The following HYDIN variants were observed in gnomAD, a reference collection of about 807,000 sequenced individuals.
HYDIN encodes the protein axonemal central pair apparatus protein HYDIN.
In HYDIN, 132 loss-of-function variants were observed where a neutral mutation model predicts 403.9. The observed-to-expected ratio is 0.33, with a 90% CI of 0.28 to 0.38. The LOEUF is 0.38. Among genes scored for constraint, HYDIN ranks in the 10% least tolerant of loss-of-function variants. HYDIN has a pLI of 1.00. For missense variants in HYDIN, 2,827 were observed against 5,009.5 expected (o/e 0.56, Z 13.15); for synonymous variants, 1,202 against 1,891.7 (o/e 0.64, Z 9.46).
At chr16:71,151,388 C>A (rs1399496398) in intron 7 of HYDIN, among the ~76,000 whole-genome samples, 1 of 151,902 alleles carries the variant, frequency 6.6e-6, no homozygotes, top group Non-Finnish European at 1.5e-5. Context: ...ACAAAGCCAG[C>A]AACTCTGAAC....
At chr16:70,953,350 G>A (rs2078130979) in intron 40 of HYDIN, among the ~76,000 whole-genome samples, 1 of 152,212 alleles carries the variant, frequency 6.6e-6, no homozygotes, top group Non-Finnish European at 1.5e-5. Context: ...TGGGGTCGGG[G>A]CAGACAATAA....
intron 17 of HYDIN, 24 bp downstream of exon 17, chr16:71,062,145 G>A (rs1281548465): frequency 2.0e-6 from 2 of 990,878 alleles, no homozygotes. Flanking sequence ...AATTTCAATT[G>A]CAGTTCTGAA....
intron 21 of HYDIN, among the ~76,000 whole-genome samples, chr16:71,020,582 G>A (rs2080447649): frequency 6.6e-6 from 1 of 152,170 alleles, no homozygotes. Context: ...GCCAAGGCCA[G>A]TGGATTACTT....
intron 81 of HYDIN, among the ~76,000 whole-genome samples, 172 bp from the exon 82 acceptor site, chr16:70,828,601 G>A (rs1488047051): frequency 2.0e-5 from 3 of 150,692 alleles, no homozygotes; most frequent in Admixed American, 1.3e-4. Context: ...ATGTTCATAT[G>A]TATCCGAGCC....
chr16:71,204,834 A>G (rs1236169146), intron 1 of HYDIN, among the ~76,000 whole-genome samples: 2 of 152,230 alleles, frequency 1.3e-5, no homozygotes, highest in South Asian at 4.1e-4. Context: ...AAGGAAAACA[A>G]TAAGATATTC....
At chr16:71,182,725 T>C (rs1378517785) in intron 3 of HYDIN, among the ~76,000 whole-genome samples, 4 of 152,094 alleles carry the variant, frequency 2.6e-5, no homozygotes, top group South Asian at 2.1e-4. Context: ...TGGCAGGAGA[T>C]ATAAATATAA....
chr16:71,222,923 G>A lies in HYDIN; in HGVS notation c.-24+7639C>T, dbSNP rs75233643. Reference sequence around the variant, plus strand: ...TGAAAATGACCATACTACCCAAAGCGATTCCCATCAAAATACCAACATCAT... The same window carrying A: ...TGAAAATGACCATACTACCCAAAGCAATTCCCATCAAAATACCAACATCAT... On this transcript the variant is annotated intron_variant, in intron 1 of 85. Transcript: ENST00000393567. Among the ~76,000 whole-genome samples the A allele has an allele frequency of 2.6e-3, 387 of 151,468 alleles. 3 individuals carry two copies. Among genetic ancestry groups the A allele is most frequent in the African/African-American group, 9.0e-3 (371 of 41,424 alleles).
In HYDIN at chr16:71,179,035, C is replaced by A. The variant is rs2086797344; in HGVS notation, c.274G>T (p.Asp92Tyr). ...ETTHQKFSGI[D>Y]LDQALFQPFP... ...GGCTGGAATAATGCCTGATCCAGGTCAATTCCTGAAAACTTCAGTTGAAAG... is the reference window on the plus strand; with the variant it reads ...GGCTGGAATAATGCCTGATCCAGGTAAATTCCTGAAAACTTCAGTTGAAAG... Residue 92 changes from aspartate (D) to tyrosine (Y), a missense_variant, in exon 4 of 86, where the codon GAC becomes TAC. Transcript: ENST00000393567. The A allele has an allele frequency of 5.0e-6, 8 of 1,608,424 alleles. No homozygotes were observed. Among genetic ancestry groups the A allele is most frequent in the East Asian group, 4.5e-5 (2 of 44,758 alleles).
At chr16:70,945,206 C>T (rs1267176259) in intron 41 of HYDIN, among the ~76,000 whole-genome samples, 1 of 152,134 alleles carries the variant, frequency 6.6e-6, no homozygotes, top group Non-Finnish European at 1.5e-5. Flanking sequence ...CGAGAAGTGG[C>T]TCATACAGGA....
intron 1 of HYDIN, among the ~76,000 whole-genome samples, chr16:71,221,655 A>G (rs767233320): frequency 5.3e-5 from 8 of 152,220 alleles, no homozygotes; most frequent in Non-Finnish European, 8.8e-5. Context: ...TTAAAACTCA[A>G]TGAATAGAAT....
intron 60 of HYDIN, among the ~76,000 whole-genome samples, chr16:70,881,592 A>T (rs2040812008): frequency 7.8e-6 from 1 of 129,008 alleles, no homozygotes. Flanking sequence ...TGGGCGACAG[A>T]GCAAGACTCC....
At chr16:70,809,672 C>G (rs2035334837) in intron 85 of HYDIN, 111 bp downstream of exon 85, 1 of 859,920 alleles carries the variant, frequency 1.2e-6, no homozygotes, top group African/African-American at 1.7e-5. Context: ...GACAACGAAG[C>G]ACCTGAGTCT....
At chr16:71,017,534 C>G (rs1042142379) in intron 23 of HYDIN, among the ~76,000 whole-genome samples, 8 of 151,816 alleles carry the variant, frequency 5.3e-5, no homozygotes, top group African/African-American at 1.9e-4. Flanking sequence ...TACTCATTCT[C>G]AGGCAGTTCT....
chr16:70,849,639 A>G (rs1353090406), intron 75 of HYDIN, 87 bp downstream of exon 75: 1 of 808,296 alleles, frequency 1.2e-6, no homozygotes, highest in Non-Finnish European at 2.1e-6. Flanking sequence ...ACACATGGAG[A>G]AGACAAAGAA....
At chr16:70,877,181 T>C (rs1030849329) in intron 62 of HYDIN, among the ~76,000 whole-genome samples, 14 of 146,980 alleles carry the variant, frequency 9.5e-5, no homozygotes, top group African/African-American at 3.8e-4. Flanking sequence ...GAGTGGAAAA[T>C]ATAGTGAGAC....
chr16:70,835,290 C>T (rs2037347964), intron 78 of HYDIN, among the ~76,000 whole-genome samples: 1 of 151,992 alleles, frequency 6.6e-6, no homozygotes, highest in Admixed American at 6.6e-5. Context: ...GCCACTACGC[C>T]CAGCCTAGGA....
chr16:71,049,974 T>C (rs1195628715), intron 18 of HYDIN, among the ~76,000 whole-genome samples: 1 of 147,216 alleles, frequency 6.8e-6, no homozygotes, highest in Non-Finnish European at 1.5e-5. Flanking sequence ...ACATGTAGGA[T>C]AGTACAAGAA....
intron 45 of HYDIN, among the ~76,000 whole-genome samples, chr16:70,930,673 C>T (rs1798404): frequency 2.6e-5 from 4 of 151,958 alleles, no homozygotes. Flanking sequence ...ACTATGTGTG[C>T]GGGGGGCAAA....
chr16:71,135,138 C>T (rs977189761), intron 8 of HYDIN, among the ~76,000 whole-genome samples: 28 of 151,314 alleles, frequency 1.9e-4, no homozygotes, highest in African/African-American at 6.8e-4. Context: ...GGTTTCCAAT[C>T]ATGGTTATAA....
Sources: allele counts gnomAD v4.1 joint callset (sites outside exome capture counted in the v4.1 genomes callset), GRCh38; gene constraint gnomAD v4.1.1; transcripts MANE v1.5; gene names NCBI Gene and HGNC (gene_info 2026-07-23, HGNC 2026-07-21).